COG6: variants seen among roughly 807,000 people sequenced by gnomAD.
COG6 encodes the protein conserved oligomeric Golgi complex subunit 6.
COG6 carries 74 observed loss-of-function variants against 88.8 expected under a neutral mutation model. The ratio of observed to expected loss-of-function variants is 0.83; its 90% confidence interval spans 0.69 to 1.01. The LOEUF is 1.01. Among genes scored for constraint, COG6 ranks in the 50% least tolerant of loss-of-function variants. The pLI is 0.00. For synonymous variants in COG6, 286 were observed against 278.7 expected, an observed-to-expected ratio of 1.03 and a Z score of -0.26; for missense variants, 800 against 797.9, an observed-to-expected ratio of 1.00 and a Z score of -0.03.
chr13:39,726,772 G>A (rs1642966009), intron 17 of COG6, among the ~76,000 whole-genome samples: 1 of 151,806 alleles, frequency 6.6e-6, no homozygotes, highest in South Asian at 2.1e-4. Flanking sequence ...TCTTCATGCT[G>A]TCTCCTCTCC....
intron 6 of COG6, 146 bp from the exon 7 acceptor site, chr13:39,679,829 T>G: frequency 1.5e-6 from 1 of 680,732 alleles, no homozygotes; most frequent in South Asian, 1.8e-5. Context: ...TGACATTTAT[T>G]TAATTGTAGA....
rs1378600122 is a variant in COG6, at chr13:39,697,473, G to A, written c.1167-2028G>A. On this transcript the variant is annotated intron_variant, in intron 12 of 18. Transcript: ENST00000455146. ...TATAGAATCCAGGAAACAGGGACTC[G>A]AGCATGCTTGGATTATATATCCTTT... Among the ~76,000 whole-genome samples, 5 of 151,856 alleles carry A rather than the reference G, an allele frequency of 3.3e-5. No homozygotes were observed. In the East Asian group the frequency reaches 5.8e-4, roughly 18 times the overall value.
chr13:39,670,940 AAAGTAT>A (rs1430433720), intron 4 of COG6, among the ~76,000 whole-genome samples: 2 of 152,084 alleles, frequency 1.3e-5, no homozygotes, highest in African/African-American at 4.8e-5. Context: ...ATTGCATGTA[AAAGTAT>A]ATTACAGAAG....
chr13:39,702,686 C>T (rs73179556), intron 13 of COG6, among the ~76,000 whole-genome samples: 7,641 of 151,618 alleles, frequency 0.05, 212 homozygotes, highest in South Asian at 0.067. Flanking sequence ...ATAATAACCA[C>T]GGTAGAAAGA....
intron 17 of COG6, among the ~76,000 whole-genome samples, chr13:39,727,260 T>C (rs1345023834): frequency 1.3e-5 from 2 of 152,042 alleles, no homozygotes; most frequent in African/African-American, 4.8e-5. Context: ...AAAGTAAGTA[T>C]TGCTAATATT....
chr13:39,734,137 A>G (rs1352901568), intron 18 of COG6, among the ~76,000 whole-genome samples: 2 of 151,764 alleles, frequency 1.3e-5, no homozygotes, highest in South Asian at 2.1e-4. Flanking sequence ...ATTTTCTTCT[A>G]CTAATTTTGG....
At chr13:39,690,353 G>A (rs577190452) in intron 11 of COG6, among the ~76,000 whole-genome samples, 7 of 151,986 alleles carry the variant, frequency 4.6e-5, no homozygotes, top group African/African-American at 1.4e-4. Flanking sequence ...TATTGCATCC[G>A]CTTAACTCTT....
intron 10 of COG6, among the ~76,000 whole-genome samples, chr13:39,688,135 G>A (rs749475107): frequency 6.6e-6 from 1 of 152,118 alleles, no homozygotes; most frequent in Non-Finnish European, 1.5e-5. Flanking sequence ...AAAGGTACAG[G>A]GTGATATTAT....
chr13:39,658,734 A>G (rs922662216), intron 1 of COG6, among the ~76,000 whole-genome samples: 2 of 152,158 alleles, frequency 1.3e-5, no homozygotes, highest in African/African-American at 4.8e-5. Flanking sequence ...CTTTGTCCCC[A>G]TGACTGGCTG....
At chr13:39,706,235 T>TTATA (rs372468879) in intron 13 of COG6, among the ~76,000 whole-genome samples, 45,084 of 106,176 alleles carry the variant, frequency 0.42, 9,852 homozygotes, top group South Asian at 0.6. Context: ...ATATACTCCT[T>TTATA]TATATATATA....
At chr13:39,772,590 T>C (rs963646492) in intron 18 of COG6, among the ~76,000 whole-genome samples, 2 of 152,232 alleles carry the variant, frequency 1.3e-5, no homozygotes, top group Admixed American at 6.5e-5. Context: ...ACACCTGACA[T>C]AGGCTTTCCT....
At chr13:39,696,607 A>G (rs910802749) in intron 12 of COG6, among the ~76,000 whole-genome samples, 13 of 151,750 alleles carry the variant, frequency 8.6e-5, no homozygotes, top group African/African-American at 3.1e-4. Context: ...ATTGGAGTGT[A>G]GTGAATTGGA....
intron 8 of COG6, among the ~76,000 whole-genome samples, chr13:39,683,950 A>G (rs1876473858): frequency 6.6e-6 from 1 of 152,192 alleles, no homozygotes; most frequent in Admixed American, 6.5e-5. Flanking sequence ...CCTTAGCTGT[A>G]AAATGAGGAT....
chr13:39,715,425 T>C (rs541286237), intron 13 of COG6, among the ~76,000 whole-genome samples: 1 of 152,142 alleles, frequency 6.6e-6, no homozygotes, highest in South Asian at 2.1e-4. Context: ...CCCTGGAGGA[T>C]TTATTAGATT....
chr13:39,713,678 G>A (rs144871359), intron 13 of COG6, among the ~76,000 whole-genome samples: 9,350 of 152,186 alleles, frequency 0.061, 386 homozygotes, highest in Non-Finnish European at 0.095. Flanking sequence ...GGAGCTTGCA[G>A]TGAGCCGAGA....
At chr13:39,694,505 T>G (rs1289670774) in intron 11 of COG6, 129 bp from the exon 12 acceptor site, 1 of 578,540 alleles carries the variant, frequency 1.7e-6, no homozygotes, top group East Asian at 3.2e-5. Flanking sequence ...AGAAATTATT[T>G]AGGAGGCATT....
chr13:39,781,618 A>C (rs1365685574), intron 18 of COG6, among the ~76,000 whole-genome samples: 1 of 151,928 alleles, frequency 6.6e-6, no homozygotes, highest in Non-Finnish European at 1.5e-5. Flanking sequence ...TTCTCTTTTT[A>C]TTCATTTTCT....
At chr13:39,673,960 C>T (rs1048347241) in intron 4 of COG6, among the ~76,000 whole-genome samples, 2 of 151,284 alleles carry the variant, frequency 1.3e-5, no homozygotes, top group African/African-American at 2.4e-5. Context: ...TCCATTCTGT[C>T]TATTTTATTA....
chr13:39,750,246 A>G (rs1487681506), intron 18 of COG6, among the ~76,000 whole-genome samples: 3 of 152,232 alleles, frequency 2.0e-5, no homozygotes, highest in Non-Finnish European at 4.4e-5. Context: ...TAGTATGAGT[A>G]GCTAGGGATG....
Sources: allele counts gnomAD v4.1 joint callset (sites outside exome capture counted in the v4.1 genomes callset), GRCh38; gene constraint gnomAD v4.1.1; transcripts MANE v1.5; gene names NCBI Gene and HGNC (gene_info 2026-07-23, HGNC 2026-07-21).